CDH13: variants seen among roughly 807,000 people sequenced by gnomAD.
The protein encoded by CDH13 is cadherin-13.
Under a neutral mutation model 63.8 loss-of-function variants are expected in CDH13, and 24 were observed. That is an observed-to-expected ratio of 0.38 (90% CI 0.27 to 0.53). CDH13 has a LOEUF of 0.53. Ranked by LOEUF, CDH13 falls within the 20% of genes least tolerant of loss-of-function variation. The pLI is 0.85. For missense variants in CDH13, 1,049 were observed against 903.1 expected, an observed-to-expected ratio of 1.16 and a Z score of -2.07; for synonymous variants, 503 against 355.3, an observed-to-expected ratio of 1.42 and a Z score of -4.67.
intron 6 of CDH13, among the ~76,000 whole-genome samples, chr16:83,421,017 C>T (rs980424281): frequency 3.3e-5 from 5 of 152,200 alleles, no homozygotes; most frequent in African/African-American, 1.2e-4. Flanking sequence ...GGTGTCCACC[C>T]ACAATGAGGG....
intron 7 of CDH13, among the ~76,000 whole-genome samples, chr16:83,531,720 G>A (rs2075088208): frequency 6.6e-6 from 1 of 152,138 alleles, no homozygotes; most frequent in Non-Finnish European, 1.5e-5. Context: ...GTCTCTAGAA[G>A]CAAAAAAGGC....
In CDH13 at chr16:82,790,377, G is replaced by C. The variant is rs946385854; in HGVS notation, c.46-67985G>C. ...GTGAACCCGGGAGGCAGAGGTTGCA[G>C]TGAGCCAAGATCGCACCACTGCACT... On this transcript the variant is annotated intron_variant, in intron 1 of 13. Transcript: ENST00000567109. Among the ~76,000 whole-genome samples the C allele has an allele frequency of 5.9e-5, 9 of 152,260 alleles. No homozygotes were observed. In the East Asian group the frequency reaches 1.7e-3, roughly 30 times the overall value.
intron 10 of CDH13, among the ~76,000 whole-genome samples, chr16:83,706,933 T>A (rs1056267116): frequency 1.4e-4 from 3 of 20,806 alleles, no homozygotes; most frequent in African/African-American, 8.1e-4. Context: ...TCGGACTCAC[T>A]TCATCCCTTC....
At chr16:83,780,876 A>G (rs773173070) in intron 12 of CDH13, among the ~76,000 whole-genome samples, 4 of 152,348 alleles carry the variant, frequency 2.6e-5, no homozygotes, top group African/African-American at 4.8e-5. Flanking sequence ...CTGTGTTAAC[A>G]TTAACTTTCA....
At chr16:82,804,184 C>CAGAGTGAGCTGA (rs372897266) in intron 1 of CDH13, among the ~76,000 whole-genome samples, 148 of 151,068 alleles carry the variant, frequency 9.8e-4, no homozygotes, top group African/African-American at 3.5e-3. Flanking sequence ...GCTGAGATCA[C>CAGAGTGAGCTGA]GCTACTGCAC....
At chr16:83,323,902 C>T (rs925830803) in intron 5 of CDH13, among the ~76,000 whole-genome samples, 4 of 152,190 alleles carry the variant, frequency 2.6e-5, no homozygotes, top group African/African-American at 9.7e-5. Flanking sequence ...TACCTCTTGA[C>T]CCCTTAGAGG....
intron 3 of CDH13, among the ~76,000 whole-genome samples, chr16:83,116,012 T>TC (rs2035276902): frequency 6.6e-6 from 1 of 152,168 alleles, no homozygotes; most frequent in Non-Finnish European, 1.5e-5. Context: ...GGAAGTAGGA[T>TC]CATTCCTCTC....
In CDH13 at chr16:83,070,978, A is replaced by G. The variant is rs149140321; in HGVS notation, c.366+38760A>G. ...CGCAGTCATGCCACATGAGGTCATG[A>G]TAGCACCGTCTTAACATGATGCACC... On this transcript the variant is annotated intron_variant, in intron 3 of 13. Coordinates refer to ENST00000567109, the MANE Select transcript of CDH13 (RefSeq NM_001257.5). 2.0e-5 allele frequency among the ~76,000 whole-genome samples: 3 copies of G among 151,808 alleles called. No individual in the cohort carries two copies. The East Asian group carries it at 5.9e-4, about 30-fold the overall frequency.
chr16:83,146,807 G>A (rs1286262171), intron 4 of CDH13, among the ~76,000 whole-genome samples: 2 of 152,222 alleles, frequency 1.3e-5, no homozygotes, highest in East Asian at 3.9e-4. Flanking sequence ...CAGGGATGGG[G>A]CCAAGCATGG....
intron 1 of CDH13, among the ~76,000 whole-genome samples, chr16:82,641,977 T>C (rs1045006401): frequency 6.6e-6 from 1 of 151,612 alleles, no homozygotes; most frequent in African/African-American, 2.4e-5. Context: ...CTGTTGGCTG[T>C]AGGGTGAGAG....
At position 83,012,923 on chromosome 16, in the gene CDH13, A is replaced by G. The variant is rs2151438933; in HGVS notation, c.158-19087A>G. 2.0e-5 allele frequency among the ~76,000 whole-genome samples: 3 copies of G among 152,336 alleles called. No individual in the cohort carries two copies. The South Asian group carries it at 6.2e-4, about 32-fold the overall frequency. Reference sequence around the variant, plus strand: ...ATTAAAGGCAATACAATACACATGCATAGAGATAACATTCAGGTGTTTGTG... The same window carrying G: ...ATTAAAGGCAATACAATACACATGCGTAGAGATAACATTCAGGTGTTTGTG... On this transcript the variant is annotated intron_variant, in intron 2 of 13. Coordinates refer to ENST00000567109, the MANE Select transcript of CDH13 (RefSeq NM_001257.5).
Position 83,455,666 on chromosome 16 carries a change from C to A in CDH13, c.782-30811C>A, listed in dbSNP as rs1387994196. Among the ~76,000 whole-genome samples the A allele has an allele frequency of 4.6e-5, 7 of 152,152 alleles. 1 individual carries two copies. Among genetic ancestry groups the A allele is most frequent in the Non-Finnish European group, 1.0e-4 (7 of 68,032 alleles). On this transcript the variant is annotated intron_variant, in intron 6 of 13. Transcript: ENST00000567109. ...AGATCTCTAAGAACCTTGAGCTTTG[C>A]AATTTATCCCTCTTCAGAATCCTAT...
intron 8 of CDH13, among the ~76,000 whole-genome samples, chr16:83,612,003 T>A (rs1185117850): frequency 6.6e-6 from 1 of 152,104 alleles, no homozygotes; most frequent in Non-Finnish European, 1.5e-5. Flanking sequence ...TTGTTTAGTA[T>A]CGTGATCTAT....
chr16:82,817,437 A>G (rs1256314392), intron 1 of CDH13, among the ~76,000 whole-genome samples: 1 of 152,194 alleles, frequency 6.6e-6, no homozygotes, highest in Non-Finnish European at 1.5e-5. Flanking sequence ...AAGGGATGAT[A>G]AATATAACAG....
At chr16:82,858,167 T>C (rs1385098895) in intron 1 of CDH13, among the ~76,000 whole-genome samples, 195 bp from the exon 2 acceptor site, 2 of 152,208 alleles carry the variant, frequency 1.3e-5, no homozygotes, top group African/African-American at 4.8e-5. Context: ...GCAGCAGCTG[T>C]TCCATTTGCG....
chr16:83,328,553 A>G (rs1425744465), intron 5 of CDH13, among the ~76,000 whole-genome samples: 4 of 152,194 alleles, frequency 2.6e-5, no homozygotes, highest in African/African-American at 9.7e-5. Context: ...ATAGAGTGGG[A>G]GGACAAGAGC....
intron 6 of CDH13, among the ~76,000 whole-genome samples, chr16:83,437,676 C>T (rs2072349864): frequency 6.6e-6 from 1 of 151,378 alleles, no homozygotes; most frequent in African/African-American, 2.4e-5. Context: ...GATCCTGTTC[C>T]AAAAAAATTA....
chr16:82,742,141 G>A (rs2033959616), intron 1 of CDH13, among the ~76,000 whole-genome samples: 1 of 152,120 alleles, frequency 6.6e-6, no homozygotes, highest in East Asian at 1.9e-4. Flanking sequence ...GGTTTACCAT[G>A]TATGTTCCAA....
intron 10 of CDH13, among the ~76,000 whole-genome samples, chr16:83,700,603 T>G (rs1257080284): frequency 6.6e-6 from 1 of 152,218 alleles, no homozygotes; most frequent in African/African-American, 2.4e-5. Context: ...ATATATTTCT[T>G]TTGTTTACAG....
Sources: gnomAD v4.1 joint callset for allele counts (sites outside exome capture counted in the v4.1 genomes callset) on GRCh38, gnomAD v4.1.1 for gene constraint, MANE v1.5 for transcripts, NCBI Gene and HGNC (gene_info 2026-07-23, HGNC 2026-07-21) for gene names.